The following TMOD1 variants were observed in gnomAD, a reference collection of about 807,000 sequenced individuals.
TMOD1 encodes the protein tropomodulin-1.
TMOD1 carries 17 observed loss-of-function variants against 40.6 expected under a neutral mutation model. That is an observed-to-expected ratio of 0.42 (90% CI 0.29 to 0.63). The LOEUF (loss-of-function observed/expected upper bound fraction) is 0.63. Among genes scored for constraint, TMOD1 ranks in the 20% least tolerant of loss-of-function variants. The pLI is 0.22. For missense variants in TMOD1, 391 were observed against 447.6 expected, an observed-to-expected ratio of 0.87 and a Z score of 1.14; for synonymous variants, 181 against 175.0, an observed-to-expected ratio of 1.03 and a Z score of -0.27.
rs926372768 is a variant in TMOD1, at chr9:97,501,694, C to T, written c.-158C>T. The T allele has an allele frequency of 6.7e-6, 1 of 149,396 alleles. No homozygotes were observed. The highest frequency in any genetic ancestry group is 2.4e-5 in the African/African-American group (1 of 41,002). 9.3% of individuals were successfully genotyped at this position (149,396 alleles called of 1,614,324 possible). A position where few individuals can be genotyped will look rare whatever the true frequency, so the allele number is the denominator to read the frequency against. ...CTCGTCCAGCCCCGCGCTGCGCTCG[C>T]CCGCCCGCTGCCCGCCGGAGCACCG... On this transcript the variant is annotated 5_prime_UTR_variant, in exon 1 of 10. Transcript: ENST00000259365.
chr9:97,553,133 G>A (rs2131254669), intron 3 of TMOD1, 148 bp from the exon 4 acceptor site: 2 of 1,029,804 alleles, frequency 1.9e-6, no homozygotes, highest in South Asian at 3.4e-5. Flanking sequence ...ATTCTTTGGA[G>A]AAGTTGGTCC....
chr9:97,546,138 C>G (rs2131246940), intron 2 of TMOD1, 47 bp from the exon 3 acceptor site: 1 of 1,559,966 alleles, frequency 6.4e-7, no homozygotes, highest in East Asian at 2.3e-5. Flanking sequence ...CTCTCTTTCT[C>G]TCTCTCTCTT....
intron 2 of TMOD1, among the ~76,000 whole-genome samples, chr9:97,536,707 T>C (rs7875794): frequency 0.83 from 125,811 of 151,548 alleles, 52,620 homozygotes; most frequent in African/African-American, 0.93. Context: ...TGACTTCAAG[T>C]GAGGCCCCTC....
At chr9:97,556,945 G>T (rs1394998076) in intron 4 of TMOD1, among the ~76,000 whole-genome samples, 1 of 152,134 alleles carries the variant, frequency 6.6e-6, no homozygotes, top group African/African-American at 2.4e-5. Flanking sequence ...ATCTGCTGAT[G>T]GGAGGAGCCT....
chr9:97,534,796 A>G (rs1830154643), intron 2 of TMOD1, among the ~76,000 whole-genome samples: 1 of 152,216 alleles, frequency 6.6e-6, no homozygotes, highest in Non-Finnish European at 1.5e-5. Context: ...TTATTCAAGA[A>G]CTGGCAAGAT....
chr9:97,597,182 C>G (rs1201271162), intron 9 of TMOD1, among the ~76,000 whole-genome samples: 1 of 152,140 alleles, frequency 6.6e-6, no homozygotes, highest in South Asian at 2.1e-4. Flanking sequence ...CTGGCTCTTG[C>G]AATAAGCAGT....
At chr9:97,565,393 G>C (rs112030431) in intron 6 of TMOD1, among the ~76,000 whole-genome samples, 236 of 152,266 alleles carry the variant, frequency 1.5e-3, no homozygotes, top group South Asian at 7.1e-3. Context: ...CCCTGGGGTA[G>C]ATGTCTCTTA....
chr9:97,526,600 T>C (rs1271565616), intron 2 of TMOD1, among the ~76,000 whole-genome samples: 1 of 152,178 alleles, frequency 6.6e-6, no homozygotes, highest in Non-Finnish European at 1.5e-5. Flanking sequence ...ATTGCTCAAC[T>C]CTGGTTTAAT....
chr9:97,531,365 G>A (rs1180785018), intron 2 of TMOD1, among the ~76,000 whole-genome samples: 1 of 152,038 alleles, frequency 6.6e-6, no homozygotes, highest in East Asian at 1.9e-4. Context: ...AATCTCAGCA[G>A]TTTTTGGGGC....
chr9:97,592,662 A>G (rs145892429), intron 9 of TMOD1, among the ~76,000 whole-genome samples: 194 of 152,306 alleles, frequency 1.3e-3, no homozygotes, highest in African/African-American at 4.5e-3. Flanking sequence ...AAGAACAGAG[A>G]TGAGTGTGTA....
intron 8 of TMOD1, among the ~76,000 whole-genome samples, chr9:97,586,776 C>G (rs201362401): frequency 0.014 from 2,136 of 152,120 alleles, 97 homozygotes; most frequent in East Asian, 0.13. Flanking sequence ...TTCCAGGTGC[C>G]GTCCGTCACC....
intron 9 of TMOD1, among the ~76,000 whole-genome samples, chr9:97,597,423 G>A (rs1428869794): frequency 6.7e-6 from 1 of 150,332 alleles, no homozygotes; most frequent in East Asian, 2.0e-4. Flanking sequence ...AGGGGGCCGG[G>A]TGGGGTGGCT....
intron 2 of TMOD1, among the ~76,000 whole-genome samples, chr9:97,536,280 T>C (rs4517238): frequency 6.0e-4 from 92 of 152,142 alleles, no homozygotes; most frequent in African/African-American, 2.2e-3. Flanking sequence ...GTCAAATCCC[T>C]TGTAAAAGGC....
intron 1 of TMOD1, among the ~76,000 whole-genome samples, chr9:97,511,913 A>G (rs1829706511): frequency 1.3e-5 from 2 of 152,152 alleles, no homozygotes; most frequent in Non-Finnish European, 2.9e-5. Context: ...ATTGTTAGAA[A>G]GTTCCTTGTG....
At chr9:97,512,579 G>T (rs1383521298) in intron 1 of TMOD1, 2 of 149,828 alleles carry the variant, frequency 1.3e-5, no homozygotes, top group Non-Finnish European at 1.5e-5. Context: ...CAATGAGAAA[G>T]AACAAACTGT....
chr9:97,589,586 A>C (rs1000018993), intron 8 of TMOD1, among the ~76,000 whole-genome samples: 1 of 151,896 alleles, frequency 6.6e-6, no homozygotes, highest in African/African-American at 2.4e-5. Context: ...GCCGGAACTC[A>C]CTAATTTTGT....
At chr9:97,542,921 A>G (rs535034532) in intron 2 of TMOD1, among the ~76,000 whole-genome samples, 5 of 152,228 alleles carry the variant, frequency 3.3e-5, no homozygotes, top group Admixed American at 2.0e-4. Context: ...GGTTGTCACA[A>G]CTGGGGGCAG....
chr9:97,532,326 A>G (rs1185430013), intron 2 of TMOD1, among the ~76,000 whole-genome samples: 2 of 151,526 alleles, frequency 1.3e-5, no homozygotes, highest in Non-Finnish European at 2.9e-5. Context: ...ACCTCTCCCA[A>G]CCCCTCCTCT....
chr9:97,550,034 C>A (rs776744972), intron 3 of TMOD1, among the ~76,000 whole-genome samples: 16 of 152,180 alleles, frequency 1.1e-4, no homozygotes, highest in South Asian at 2.1e-4. Flanking sequence ...GTACCTATTA[C>A]AGTTAGTTAC....
Sources: gnomAD v4.1 joint callset for allele counts (sites outside exome capture counted in the v4.1 genomes callset) on GRCh38, gnomAD v4.1.1 for gene constraint, MANE v1.5 for transcripts, NCBI Gene and HGNC (gene_info 2026-07-23, HGNC 2026-07-21) for gene names.